The following EPHA3 variants were observed in gnomAD, a reference collection of about 807,000 sequenced individuals.
EPHA3 encodes the protein ephrin type-A receptor 3.
A neutral mutation model predicts 107.1 loss-of-function variants in EPHA3; 42 were observed. The ratio of observed to expected loss-of-function variants is 0.39; its 90% CI spans 0.31 to 0.51. EPHA3 has a LOEUF of 0.51. Among genes scored for constraint, EPHA3 ranks in the 20% least tolerant of loss-of-function variants. The probability of loss-of-function intolerance (pLI) is 0.78; values close to 1 mark genes in which losing one functional copy is unlikely to be tolerated. For missense variants in EPHA3, 1,183 were observed against 1,211.2 expected, an observed-to-expected ratio of 0.98 and a Z score of 0.35; for synonymous variants, 461 against 424.8, an observed-to-expected ratio of 1.09 and a Z score of -1.05.
chr3:89,201,036 G>T (rs1388790195), intron 2 of EPHA3, among the ~76,000 whole-genome samples: 1 of 152,176 alleles, frequency 6.6e-6, no homozygotes, highest in African/African-American at 2.4e-5. Context: ...CTAAGACTGG[G>T]TGATTTAAAA....
chr3:89,318,757 A>G (rs1706971197), intron 3 of EPHA3, among the ~76,000 whole-genome samples: 1 of 151,948 alleles, frequency 6.6e-6, no homozygotes, highest in Non-Finnish European at 1.5e-5. Flanking sequence ...GACATCTCTA[A>G]AGAATGGTAG....
intron 3 of EPHA3, among the ~76,000 whole-genome samples, chr3:89,260,776 T>A (rs1705394240): frequency 6.6e-6 from 1 of 152,232 alleles, no homozygotes; most frequent in Non-Finnish European, 1.5e-5. Context: ...TATTACTCCT[T>A]TCTTTGCCTT....
At chr3:89,140,136 T>G (rs546453661) in intron 2 of EPHA3, among the ~76,000 whole-genome samples, 1 of 151,982 alleles carries the variant, frequency 6.6e-6, no homozygotes, top group African/African-American at 2.4e-5. Flanking sequence ...CGACTAAAGA[T>G]TCTTAACTCA....
chr3:89,190,405 AT>A (rs770877120), intron 2 of EPHA3, among the ~76,000 whole-genome samples: 3 of 152,224 alleles, frequency 2.0e-5, no homozygotes, highest in African/African-American at 4.8e-5. Flanking sequence ...TGGGTAACCA[AT>A]TAACCAATTA....
intron 10 of EPHA3, among the ~76,000 whole-genome samples, 190 bp downstream of exon 10, chr3:89,413,456 C>T (rs1709193059): frequency 6.6e-6 from 1 of 151,706 alleles, no homozygotes; most frequent in Non-Finnish European, 1.5e-5. Context: ...GGCTCACAGA[C>T]CATGGCTGCT....
At chr3:89,476,682 A>C (rs999313422) in intron 16 of EPHA3, among the ~76,000 whole-genome samples, 13 of 151,210 alleles carry the variant, frequency 8.6e-5, no homozygotes, top group African/African-American at 2.2e-4. Context: ...ATCTCGGCTC[A>C]CTGCAAGCTC....
chr3:89,319,151 T>C (rs561715414), intron 3 of EPHA3, among the ~76,000 whole-genome samples: 2 of 152,086 alleles, frequency 1.3e-5, no homozygotes, highest in South Asian at 4.1e-4. Context: ...CTGGTCTAAA[T>C]GCCATTTTCT....
chr3:89,211,196 A>G (rs1196837669), intron 3 of EPHA3, among the ~76,000 whole-genome samples: 3 of 152,078 alleles, frequency 2.0e-5, no homozygotes, highest in Non-Finnish European at 2.9e-5. Context: ...TGATATTAAT[A>G]TAATATCACA....
At chr3:89,114,356 T>C (rs1230699656) in intron 1 of EPHA3, among the ~76,000 whole-genome samples, 1 of 152,236 alleles carries the variant, frequency 6.6e-6, no homozygotes, top group East Asian at 1.9e-4. Flanking sequence ...CATCAGGGTG[T>C]CTTAACCACA....
At chr3:89,382,953 C>A (rs1440850037) in intron 5 of EPHA3, among the ~76,000 whole-genome samples, 1 of 152,030 alleles carries the variant, frequency 6.6e-6, no homozygotes, top group Non-Finnish European at 1.5e-5. Context: ...ATCAGGAATA[C>A]AAAAAGAAGA....
intron 3 of EPHA3, among the ~76,000 whole-genome samples, chr3:89,232,101 G>A (rs1319984781): frequency 6.6e-6 from 1 of 152,006 alleles, no homozygotes; most frequent in African/African-American, 2.4e-5. Context: ...CTTTCTGCTT[G>A]TGCCAAGATG....
chr3:89,418,375 G>C lies in EPHA3; in HGVS notation c.1889-830G>C, dbSNP rs570917997. Among the ~76,000 whole-genome samples the C allele has an allele frequency of 2.0e-5, 3 of 151,394 alleles. No homozygotes were observed. In the South Asian group the frequency reaches 6.2e-4, roughly 31 times the overall value. ...AGATAAATAAATGTAAAGGGTATCT[G>C]CTCTAAGTGAGCTCCAAATGTAATG... On this transcript the variant is annotated intron_variant, in intron 10 of 16. Coordinates refer to ENST00000336596, the MANE Select transcript of EPHA3 (RefSeq NM_005233.6).
At chr3:89,362,969 A>G (rs1180063388) in intron 5 of EPHA3, among the ~76,000 whole-genome samples, 1 of 151,054 alleles carries the variant, frequency 6.6e-6, no homozygotes, top group Admixed American at 6.6e-5. Context: ...GCAAACCCAA[A>G]CTGTGATAAG....
chr3:89,407,056 T>C (rs1429617902), intron 7 of EPHA3, among the ~76,000 whole-genome samples: 1 of 152,142 alleles, frequency 6.6e-6, no homozygotes, highest in African/African-American at 2.4e-5. Flanking sequence ...GTACCCATAT[T>C]AATTAGGTAG....
At chr3:89,444,074 C>G (rs1470016483) in intron 13 of EPHA3, among the ~76,000 whole-genome samples, 1 of 152,128 alleles carries the variant, frequency 6.6e-6, no homozygotes, top group Non-Finnish European at 1.5e-5. Context: ...AAGAAAACTG[C>G]TCTCTGTAGT....
At chr3:89,181,498 G>A (rs1325770093) in intron 2 of EPHA3, among the ~76,000 whole-genome samples, 1 of 151,962 alleles carries the variant, frequency 6.6e-6, no homozygotes, top group Non-Finnish European at 1.5e-5. Flanking sequence ...ACCTCAGAAG[G>A]TGATGCAGCC....
At chr3:89,474,485 A>G (rs1559709571) in intron 16 of EPHA3, among the ~76,000 whole-genome samples, 1 of 152,210 alleles carries the variant, frequency 6.6e-6, no homozygotes, top group Non-Finnish European at 1.5e-5. Context: ...GATACACAAA[A>G]CACCTGCTGT....
chr3:89,297,744 A>T (rs1706391937), intron 3 of EPHA3, among the ~76,000 whole-genome samples: 1 of 152,050 alleles, frequency 6.6e-6, no homozygotes. Flanking sequence ...CAATAAAATG[A>T]AATATGTTGG....
intron 2 of EPHA3, among the ~76,000 whole-genome samples, chr3:89,153,068 T>A (rs1704722568): frequency 6.6e-6 from 1 of 152,058 alleles, no homozygotes; most frequent in Non-Finnish European, 1.5e-5. Flanking sequence ...ACCACTGTAA[T>A]AAGCACTATG....
Sources: gnomAD v4.1 joint callset for allele counts (sites outside exome capture counted in the v4.1 genomes callset) on GRCh38, gnomAD v4.1.1 for gene constraint, MANE v1.5 for transcripts, NCBI Gene and HGNC (gene_info 2026-07-23, HGNC 2026-07-21) for gene names.